The following PRKAR2B variants were observed in gnomAD, a reference collection of about 807,000 sequenced individuals.
The protein encoded by PRKAR2B is protein kinase cAMP-dependent type II regulatory subunit beta, also known as cAMP-dependent protein kinase type II-beta regulatory subunit.
PRKAR2B carries 14 observed loss-of-function variants against 49.9 expected under a neutral mutation model. The ratio of observed to expected loss-of-function variants is 0.28; its 90% CI spans 0.19 to 0.44. The LOEUF (loss-of-function observed/expected upper bound fraction) is 0.44, where lower values mean the gene tolerates loss of function less well. PRKAR2B is among the 20% of genes least tolerant of loss of function. The pLI is 1.00. For synonymous variants in PRKAR2B, 196 were observed against 197.7 expected (o/e 0.99, Z 0.07); for missense variants, 393 against 537.9 (o/e 0.73, Z 2.67).
chr7:107,053,681 G>GA (rs1793853835), intron 1 of PRKAR2B, among the ~76,000 whole-genome samples: 1 of 152,038 alleles, frequency 6.6e-6, no homozygotes, highest in African/African-American at 2.4e-5. Context: ...ACCTGAAGGG[G>GA]AAAATCCAGG....
chr7:107,081,990 T>C (rs1281072829), intron 2 of PRKAR2B: 2 of 152,204 alleles, frequency 1.3e-5, no homozygotes, highest in Non-Finnish European at 2.9e-5. Flanking sequence ...TAACAGAGTA[T>C]ATAGGCTACA....
chr7:107,141,080 A>G, intron 5 of PRKAR2B, 127 bp downstream of exon 5: 1 of 619,380 alleles, frequency 1.6e-6, no homozygotes, highest in Non-Finnish European at 2.8e-6. Context: ...TTATTACATA[A>G]TAGGCACTGT....
At chr7:107,068,505 T>G (rs1794197881) in intron 1 of PRKAR2B, 1 of 152,180 alleles carries the variant, frequency 6.6e-6, no homozygotes, top group Non-Finnish European at 1.5e-5. Flanking sequence ...TTTGTGTGTA[T>G]GTGTAGTAAA....
At chr7:107,134,840 G>A (rs1447713561) in intron 4 of PRKAR2B, among the ~76,000 whole-genome samples, 1 of 152,002 alleles carries the variant, frequency 6.6e-6, no homozygotes, top group Non-Finnish European at 1.5e-5. Flanking sequence ...AATTCAGAAG[G>A]GATCAAAAGC....
At chr7:107,076,278 T>TA (rs1382763203) in intron 2 of PRKAR2B, among the ~76,000 whole-genome samples, 1 of 152,196 alleles carries the variant, frequency 6.6e-6, no homozygotes, top group African/African-American at 2.4e-5. Context: ...ACGATACTAT[T>TA]ATCTCATACA....
chr7:107,079,450 A>C (rs543893575), intron 2 of PRKAR2B: 12 of 152,260 alleles, frequency 7.9e-5, no homozygotes, highest in African/African-American at 2.9e-4. Context: ...TATTAAAAAA[A>C]AAAAAACAAA....
intron 1 of PRKAR2B, 36 bp downstream of exon 1, chr7:107,045,250 C>T: frequency 7.2e-7 from 1 of 1,383,244 alleles, no homozygotes; most frequent in Non-Finnish European, 9.4e-7. Context: ...GCCCCCGGAT[C>T]CCCTCGCTGC....
chr7:107,156,172 GA>G (rs1796084278), intron 8 of PRKAR2B, among the ~76,000 whole-genome samples: 1 of 152,104 alleles, frequency 6.6e-6, no homozygotes, highest in Admixed American at 6.6e-5. Context: ...CTTAAAACCA[GA>G]CAGGTTGATA....
chr7:107,053,838 G>A (rs1019114735), intron 1 of PRKAR2B, among the ~76,000 whole-genome samples: 2 of 152,080 alleles, frequency 1.3e-5, no homozygotes, highest in African/African-American at 4.8e-5. Flanking sequence ...GGAAATACCA[G>A]TCAGAATTAG....
At chr7:107,062,176 T>C (rs1794039040) in intron 1 of PRKAR2B, among the ~76,000 whole-genome samples, 1 of 152,140 alleles carries the variant, frequency 6.6e-6, no homozygotes, top group Non-Finnish European at 1.5e-5. Flanking sequence ...CTCCTAGGTA[T>C]TTAAGAGAAA....
At chr7:107,109,707 C>T (rs2116822754) in intron 2 of PRKAR2B, among the ~76,000 whole-genome samples, 1 of 152,124 alleles carries the variant, frequency 6.6e-6, no homozygotes, top group East Asian at 1.9e-4. Context: ...GTCTATCCTA[C>T]CAGAATTTTT....
At chr7:107,138,357 A>T (rs1053609188) in intron 4 of PRKAR2B, among the ~76,000 whole-genome samples, 1 of 152,164 alleles carries the variant, frequency 6.6e-6, no homozygotes, top group Non-Finnish European at 1.5e-5. Flanking sequence ...TATGTGGAGT[A>T]TGTCTATACT....
chr7:107,057,737 C>G (rs1325000296), intron 1 of PRKAR2B, among the ~76,000 whole-genome samples: 7 of 151,618 alleles, frequency 4.6e-5, no homozygotes, highest in Non-Finnish European at 1.0e-4. Flanking sequence ...ATTAACAGTA[C>G]CTGGCATACG....
At chr7:107,149,478 G>C (rs1795946324) in intron 6 of PRKAR2B, among the ~76,000 whole-genome samples, 2 of 152,048 alleles carry the variant, frequency 1.3e-5, no homozygotes, top group African/African-American at 4.8e-5. Context: ...CTGTTTAACA[G>C]ACAGCGTCTT....
At chr7:107,148,805 C>T (rs1447009570) in intron 6 of PRKAR2B, among the ~76,000 whole-genome samples, 3 of 152,138 alleles carry the variant, frequency 2.0e-5, no homozygotes, top group African/African-American at 2.4e-5. Context: ...CACTATTAGC[C>T]TTAGGGCTAA....
intron 1 of PRKAR2B, among the ~76,000 whole-genome samples, chr7:107,062,309 G>T (rs1177267307): frequency 2.0e-5 from 3 of 152,106 alleles, no homozygotes; most frequent in Admixed American, 1.3e-4. Flanking sequence ...CCAACAAAGG[G>T]TTGAATATTT....
intron 2 of PRKAR2B, among the ~76,000 whole-genome samples, chr7:107,114,206 T>A (rs1265300000): frequency 6.6e-6 from 1 of 152,130 alleles, no homozygotes; most frequent in Non-Finnish European, 1.5e-5. Flanking sequence ...GAATAAAAAA[T>A]TATTTACAAA....
intron 2 of PRKAR2B, among the ~76,000 whole-genome samples, chr7:107,081,138 C>T (rs1306957580): frequency 6.6e-6 from 1 of 152,100 alleles, no homozygotes. Context: ...TATTAATTGG[C>T]CAAAGTGCAT....
intron 2 of PRKAR2B, among the ~76,000 whole-genome samples, chr7:107,093,524 T>C (rs1424170065): frequency 6.9e-6 from 1 of 144,972 alleles, no homozygotes; most frequent in African/African-American, 2.5e-5. Flanking sequence ...TTTTTTTTTT[T>C]ATTATACTTT....
Sources: allele counts gnomAD v4.1 joint callset (sites outside exome capture counted in the v4.1 genomes callset), GRCh38; gene constraint gnomAD v4.1.1; transcripts MANE v1.5; gene names NCBI Gene and HGNC (gene_info 2026-07-23, HGNC 2026-07-21).